SNX4: variants seen among roughly 807,000 people sequenced by gnomAD.
SNX4 encodes sorting nexin-4.
Under a neutral mutation model 70.8 loss-of-function variants are expected in SNX4, and 49 were observed. The observed-to-expected ratio is 0.69, with a 90% CI of 0.55 to 0.88. The LOEUF (loss-of-function observed/expected upper bound fraction) is 0.88. Ranked by LOEUF, SNX4 falls within the 40% of genes least tolerant of loss-of-function variation. The pLI, the probability that SNX4 is intolerant of heterozygous loss-of-function variation, is 0.00. For missense variants in SNX4, 528 were observed against 544.8 expected (o/e 0.97, Z 0.31); for synonymous variants, 206 against 183.8 (o/e 1.12, Z -0.98).
chr3:125,518,353 T>TCAGGAGGCTGAGG (rs1040187197), intron 1 of SNX4, among the ~76,000 whole-genome samples: 1 of 151,904 alleles, frequency 6.6e-6, no homozygotes, highest in Non-Finnish European at 1.5e-5. Context: ...TCCCAGCTAC[T>TCAGGAGGCTGAGG]CAGGAGGCTG....
intron 9 of SNX4, among the ~76,000 whole-genome samples, chr3:125,468,368 AC>A (rs951723188): frequency 1.3e-5 from 2 of 152,118 alleles, no homozygotes; most frequent in Admixed American, 1.3e-4. Context: ...TGCACATGTA[AC>A]CCCTGAACCT....
At chr3:125,474,546 C>T (rs954313333) in intron 8 of SNX4, among the ~76,000 whole-genome samples, 3 of 152,088 alleles carry the variant, frequency 2.0e-5, no homozygotes, top group Admixed American at 6.6e-5. Context: ...GAACTCCTGG[C>T]CTCAAGTGAT....
chr3:125,492,813 T>C (rs1027346023), intron 5 of SNX4, among the ~76,000 whole-genome samples: 1 of 152,188 alleles, frequency 6.6e-6, no homozygotes, highest in African/African-American at 2.4e-5. Context: ...AATCTCCACA[T>C]TGGATCTCTC....
Position 125,498,134 on chromosome 3 carries a change from A to G in SNX4, c.324T>C (p.Ser108=), listed in dbSNP as rs1559822355. Residue 108 remains serine (S), a synonymous_variant, in exon 3 of 14, where the codon AGT becomes AGC. Coordinates refer to ENST00000251775, the MANE Select transcript of SNX4 (RefSeq NM_003794.4). Reference sequence around the variant, plus strand: ...GGTAGCTTCTCAACAACTCAAATTCACTATATCGCCGCCATAGTGAGTCTG... The same window carrying G: ...GGTAGCTTCTCAACAACTCAAATTCGCTATATCGCCGCCATAGTGAGTCTG... ...VLTDSLWRRY[S]EFELLRSYLL... The G allele has an allele frequency of 1.9e-6, 3 of 1,614,144 alleles. No individual in the cohort carries two copies. Among genetic ancestry groups the G allele is most frequent in the East Asian group, 2.2e-5 (1 of 44,872 alleles).
At chr3:125,448,052 T>G (rs768429346) in intron 13 of SNX4, among the ~76,000 whole-genome samples, 1 of 152,054 alleles carries the variant, frequency 6.6e-6, no homozygotes, top group East Asian at 1.9e-4. Context: ...AAAGAACTCC[T>G]ACAACTTGTT....
intron 9 of SNX4, among the ~76,000 whole-genome samples, chr3:125,462,593 C>CAAA (rs34157775): frequency 5.0e-3 from 239 of 47,904 alleles, no homozygotes; most frequent in African/African-American, 7.6e-3. Context: ...TCTGTCTCAC[C>CAAA]AAAAAAAAAA....
chr3:125,507,923 C>G (rs556330101), intron 1 of SNX4, among the ~76,000 whole-genome samples: 18 of 151,158 alleles, frequency 1.2e-4, no homozygotes, highest in African/African-American at 2.4e-4. Flanking sequence ...AAAAAGAAAA[C>G]AAAACAAAAA....
intron 6 of SNX4, among the ~76,000 whole-genome samples, chr3:125,487,339 G>A (rs935658674): frequency 2.6e-5 from 4 of 151,904 alleles, no homozygotes; most frequent in South Asian, 2.1e-4. Flanking sequence ...TGACATTATT[G>A]GTCATATTAA....
chr3:125,450,248 G>T (rs2107837866), intron 13 of SNX4, among the ~76,000 whole-genome samples: 1 of 152,274 alleles, frequency 6.6e-6, no homozygotes, highest in South Asian at 2.1e-4. Flanking sequence ...ATCTAAACTT[G>T]TTTTAAGTGA....
chr3:125,473,016 GA>G (rs377178281), intron 8 of SNX4, among the ~76,000 whole-genome samples: 3,282 of 144,972 alleles, frequency 0.023, 107 homozygotes, highest in African/African-American at 0.075. Flanking sequence ...AGGCACTTTT[GA>G]AAAAAAAAAA....
chr3:125,495,250 TTA>T (rs759787193), intron 5 of SNX4, among the ~76,000 whole-genome samples: 4,750 of 38,124 alleles, frequency 0.12, 530 homozygotes, highest in African/African-American at 0.19. Flanking sequence ...CATTCTCTCT[TTA>T]TATATATATA....
At chr3:125,451,693 C>A (rs1369426816) in intron 12 of SNX4, among the ~76,000 whole-genome samples, 1 of 151,904 alleles carries the variant, frequency 6.6e-6, no homozygotes, top group Non-Finnish European at 1.5e-5. Context: ...GTGGCGTGAT[C>A]TTGGCTCACT....
chr3:125,454,011 C>A lies in SNX4; in HGVS notation c.1045-56G>T, dbSNP rs143611988. 4.5e-4 allele frequency: 648 copies of A among 1,431,566 alleles called. 3 individuals carry two copies. In the African/African-American group the frequency reaches 8.1e-3, roughly 18 times the overall value. The allele number at this position is 1,431,566 out of a possible 1,614,324, so 88.7% of individuals were successfully genotyped here. ...AAACAAAATGCGGCATACACATACACATACAATGGAACATTATTCAGCCTT... is the reference window on the plus strand; with the variant it reads ...AAACAAAATGCGGCATACACATACAAATACAATGGAACATTATTCAGCCTT... On this transcript the variant is annotated intron_variant, in intron 11 of 13. Coordinates refer to ENST00000251775, the MANE Select transcript of SNX4 (RefSeq NM_003794.4).
chr3:125,470,082 C>T (rs930772199), intron 8 of SNX4, among the ~76,000 whole-genome samples: 10 of 152,096 alleles, frequency 6.6e-5, no homozygotes, highest in Non-Finnish European at 8.8e-5. Context: ...CTGTGAAATG[C>T]TTTACATTAA....
At chr3:125,479,336 T>C (rs1934353403) in intron 7 of SNX4, among the ~76,000 whole-genome samples, 1 of 152,034 alleles carries the variant, frequency 6.6e-6, no homozygotes, top group Admixed American at 6.6e-5. Flanking sequence ...GGCAGATCAC[T>C]TGGGGCCAGG....
chr3:125,510,625 A>G (rs1349991658), intron 1 of SNX4, among the ~76,000 whole-genome samples: 1 of 152,248 alleles, frequency 6.6e-6, no homozygotes, highest in Non-Finnish European at 1.5e-5. Flanking sequence ...ACATGGATAT[A>G]TATATCTTAA....
At chr3:125,502,625 C>T (rs2107563923) in intron 2 of SNX4, among the ~76,000 whole-genome samples, 1 of 151,734 alleles carries the variant, frequency 6.6e-6, no homozygotes, top group East Asian at 2.0e-4. Context: ...AATCCCAGCA[C>T]TTTGGGAGGC....
intron 1 of SNX4, among the ~76,000 whole-genome samples, chr3:125,508,900 T>A (rs988407695): frequency 8.3e-6 from 1 of 120,996 alleles, no homozygotes; most frequent in Admixed American, 8.8e-5. Context: ...CACAAAACTC[T>A]TAGAAGAAAA....
chr3:125,518,488 A>G (rs943696942), intron 1 of SNX4, among the ~76,000 whole-genome samples: 17 of 152,088 alleles, frequency 1.1e-4, no homozygotes, highest in African/African-American at 4.1e-4. Context: ...CATCCAAAAA[A>G]GTCTTCATGC....
Sources: gnomAD v4.1 joint callset for allele counts (sites outside exome capture counted in the v4.1 genomes callset) on GRCh38, gnomAD v4.1.1 for gene constraint, MANE v1.5 for transcripts, NCBI Gene and HGNC (gene_info 2026-07-23, HGNC 2026-07-21) for gene names.